The following ANAPC16 variants were observed in gnomAD, a reference collection of about 807,000 sequenced individuals.
ANAPC16 encodes anaphase-promoting complex subunit 16.
A neutral mutation model predicts 13.1 loss-of-function variants in ANAPC16; 6 were observed. The observed-to-expected ratio is 0.46, with a 90% CI of 0.25 to 0.90. ANAPC16 has a LOEUF of 0.90. ANAPC16 is among the 40% of genes least tolerant of loss of function. The pLI is 0.18. For synonymous variants in ANAPC16, 55 were observed against 51.3 expected (o/e 1.07, Z -0.31); for missense variants, 113 against 131.1 (o/e 0.86, Z 0.67).
At position 72,223,912 on chromosome 10, in the gene ANAPC16, G is replaced by C; in HGVS notation, c.-3G>C. 6.3e-7 allele frequency: 1 copy of C among 1,595,598 alleles called. No homozygotes were observed. The highest frequency in any genetic ancestry group is 8.6e-7 in the Non-Finnish European group (1 of 1,166,682). ...GTGAAGTAAGAACTCTGCTAGAGAGGAAATGGCTGCTTCATCATCATCCTC... is the reference window on the plus strand; with the variant it reads ...GTGAAGTAAGAACTCTGCTAGAGAGCAAATGGCTGCTTCATCATCATCCTC... On this transcript the variant is annotated 5_prime_UTR_variant, in exon 2 of 4. Coordinates refer to ENST00000299381, the MANE Select transcript of ANAPC16 (RefSeq NM_173473.4).
At chr10:72,223,478 ATTG>A (rs1018829670) in intron 1 of ANAPC16, 1 of 154,038 alleles carries the variant, frequency 6.5e-6, no homozygotes, top group African/African-American at 2.4e-5. Flanking sequence ...ATTATAATTT[ATTG>A]TTGTGGCTTG....
intron 1 of ANAPC16, among the ~76,000 whole-genome samples, chr10:72,217,663 C>T (rs1240195491): frequency 6.6e-6 from 1 of 152,012 alleles, no homozygotes; most frequent in African/African-American, 2.4e-5. Flanking sequence ...TCAGTAGTAA[C>T]TCTCCGTTAA....
At chr10:72,227,744 A>C (rs1408890757) in intron 2 of ANAPC16, among the ~76,000 whole-genome samples, 1 of 151,992 alleles carries the variant, frequency 6.6e-6, no homozygotes, top group Non-Finnish European at 1.5e-5. Flanking sequence ...GAATATGAAA[A>C]TAGAGGCCGG....
In ANAPC16 at chr10:72,225,042, G is replaced by A. The variant is rs142659580; in HGVS notation, c.142+986G>A. On this transcript the variant is annotated intron_variant, in intron 2 of 3. Coordinates refer to ENST00000299381, the MANE Select transcript of ANAPC16 (RefSeq NM_173473.4). ...CTCATGCCTGTAATTCTAGCACTTT[G>A]GGAGGCCAAGGCGGGTGGATCACCT... Among the ~76,000 whole-genome samples, 1,134 of 152,212 alleles carry A rather than the reference G, an allele frequency of 7.5e-3. 10 individuals carry two copies. The highest frequency in any genetic ancestry group is 0.026 in the African/African-American group (1,073 of 41,532).
intron 1 of ANAPC16, among the ~76,000 whole-genome samples, chr10:72,218,387 G>T (rs1859753396): frequency 1.3e-5 from 2 of 151,474 alleles, no homozygotes; most frequent in African/African-American, 2.4e-5. Context: ...AGCAAAACCA[G>T]AACTCAGAGA....
At chr10:72,225,208 A>G (rs953078589) in intron 2 of ANAPC16, among the ~76,000 whole-genome samples, 4 of 152,008 alleles carry the variant, frequency 2.6e-5, no homozygotes, top group African/African-American at 9.7e-5. Flanking sequence ...ACTTGAACCC[A>G]GAAGGCAGAG....
chr10:72,225,639 CG>C (rs1427864428), intron 2 of ANAPC16, among the ~76,000 whole-genome samples: 13 of 152,216 alleles, frequency 8.5e-5, no homozygotes, highest in African/African-American at 2.9e-4. Context: ...CAGTAACTCA[CG>C]CCTGTAATCC....
Position 72,230,249 on chromosome 10 carries a change from A to C in ANAPC16, c.143-117A>C, listed in dbSNP as rs571989950. On this transcript the variant is annotated intron_variant, in intron 2 of 3. Coordinates refer to ENST00000299381, the MANE Select transcript of ANAPC16 (RefSeq NM_173473.4). ...TGAAGCAGAACCCGTCTTTGTAAACACTGAGAACTAGACCCTGAATGTACA... is the reference window on the plus strand; with the variant it reads ...TGAAGCAGAACCCGTCTTTGTAAACCCTGAGAACTAGACCCTGAATGTACA... The C allele has an allele frequency of 8.6e-6, 6 of 694,216 alleles. No individual in the cohort carries two copies. In the East Asian group the frequency reaches 1.3e-4, roughly 15 times the overall value. The allele number at this position is 694,216 out of a possible 1,614,324, so 43.0% of individuals were successfully genotyped here. A position where few individuals can be genotyped will look rare whatever the true frequency, so the allele number is the denominator to read the frequency against.
chr10:72,227,948 T>C (rs1243776327), intron 2 of ANAPC16, among the ~76,000 whole-genome samples: 1 of 150,696 alleles, frequency 6.6e-6, no homozygotes, highest in Non-Finnish European at 1.5e-5. Context: ...AGAGAATTGC[T>C]TGAACCCAGG....
chr10:72,230,218 T>C, intron 2 of ANAPC16, 148 bp from the exon 3 acceptor site: 1 of 580,142 alleles, frequency 1.7e-6, no homozygotes, highest in Non-Finnish European at 3.1e-6. Context: ...CAGTCTTAGT[T>C]CTAAATGAAG....
At chr10:72,228,819 T>C (rs1860204754) in intron 2 of ANAPC16, among the ~76,000 whole-genome samples, 1 of 152,358 alleles carries the variant, frequency 6.6e-6, no homozygotes, top group South Asian at 2.1e-4. Context: ...TCCTTTTGCT[T>C]TGAAGTTCAT....
At chr10:72,224,200 C>T (rs1234779957) in intron 2 of ANAPC16, 144 bp downstream of exon 2, 1 of 1,016,194 alleles carries the variant, frequency 9.8e-7, no homozygotes, top group African/African-American at 1.7e-5. Context: ...AAAATAGTAT[C>T]TTTAAAAACA....
In ANAPC16 at chr10:72,233,013, C is replaced by G. The variant is rs138956935; in HGVS notation, c.230C>G (p.Ala77Gly). The G allele has an allele frequency of 6.2e-7, 1 of 1,614,032 alleles. No homozygotes were observed. ...TGACTCCTTACAGATCAGCAAGTTG[C>G]TCGGATGGAAAAACTAGCTGGTTTG... ...LKQVKHDQQV[A>G]RMEKLAGLVE... Residue 77 changes from alanine (A) to glycine (G), a missense_variant, in exon 4 of 4, where the codon GCT (alanine) becomes GGT (glycine). Transcript: ENST00000299381.
At chr10:72,224,182 C>T in intron 2 of ANAPC16, 126 bp downstream of exon 2, 1 of 1,103,816 alleles carries the variant, frequency 9.1e-7, no homozygotes. Context: ...ATTTCTTGTC[C>T]CCATCTCAAA....
intron 1 of ANAPC16, among the ~76,000 whole-genome samples, chr10:72,219,260 T>C (rs1180271551): frequency 6.6e-6 from 1 of 152,232 alleles, no homozygotes; most frequent in East Asian, 1.9e-4. Context: ...GATTTGGACC[T>C]GGTCCCTTAC....
At chr10:72,227,716 A>G (rs1860165919) in intron 2 of ANAPC16, among the ~76,000 whole-genome samples, 1 of 151,970 alleles carries the variant, frequency 6.6e-6, no homozygotes, top group Non-Finnish European at 1.5e-5. Flanking sequence ...CATGTACCTG[A>G]CCAATAATAG....
At chr10:72,231,120 TC>T (rs1219563955) in intron 3 of ANAPC16, among the ~76,000 whole-genome samples, 6 of 152,228 alleles carry the variant, frequency 3.9e-5, no homozygotes, top group African/African-American at 9.6e-5. Flanking sequence ...CAAACTGTGT[TC>T]CCCCTCCAGA....
At chr10:72,232,186 CAAAAAAAAAAA>C (rs1194817055) in intron 3 of ANAPC16, among the ~76,000 whole-genome samples, 1 of 43,898 alleles carries the variant, frequency 2.3e-5, no homozygotes, top group Non-Finnish European at 5.8e-5. Context: ...AACTCTGTCT[CAAAAAAAAAAA>C]AAAAAAAAAA....
chr10:72,216,667 G>T (rs139058556), intron 1 of ANAPC16, among the ~76,000 whole-genome samples: 2 of 152,154 alleles, frequency 1.3e-5, no homozygotes, highest in African/African-American at 4.8e-5. Context: ...CTGTTAGAAA[G>T]GAAAGGAATT....
Sources: gnomAD v4.1 joint callset for allele counts (sites outside exome capture counted in the v4.1 genomes callset) on GRCh38, gnomAD v4.1.1 for gene constraint, MANE v1.5 for transcripts, NCBI Gene and HGNC (gene_info 2026-07-23, HGNC 2026-07-21) for gene names.